Variants in EDIL3 observed in about 807,000 individuals in gnomAD.
EDIL3 encodes the protein EGF like and discoidin domains 3, also known as EGF-like repeat and discoidin I-like domain-containing protein 3.
A neutral mutation model predicts 67.4 loss-of-function variants in EDIL3; 37 were observed. The observed-to-expected ratio is 0.55, with a 90% CI of 0.42 to 0.72. EDIL3 has a LOEUF of 0.72. Among genes scored for constraint, EDIL3 ranks in the 30% least tolerant of loss-of-function variants. The pLI is 0.00. For missense variants in EDIL3, 527 were observed against 586.3 expected (o/e 0.90, Z 1.04); for synonymous variants, 195 against 196.3 (o/e 0.99, Z 0.05).
chr5:84,287,423 A>G (rs979156823), intron 1 of EDIL3, among the ~76,000 whole-genome samples: 1 of 152,168 alleles, frequency 6.6e-6, no homozygotes. Context: ...AAACAACAGT[A>G]TTGCTTTTCA....
chr5:84,023,264 T>C (rs1278059835), intron 9 of EDIL3, among the ~76,000 whole-genome samples: 1 of 151,868 alleles, frequency 6.6e-6, no homozygotes, highest in Non-Finnish European at 1.5e-5. Flanking sequence ...TTTTAAAATA[T>C]AAACAAAAAG....
intron 1 of EDIL3, among the ~76,000 whole-genome samples, chr5:84,291,356 T>C (rs537247825): frequency 1.3e-5 from 2 of 152,204 alleles, no homozygotes; most frequent in East Asian, 3.9e-4. Context: ...AAAGAACACT[T>C]GAATCAGGGA....
At chr5:84,013,884 G>T (rs1470953378) in intron 9 of EDIL3, among the ~76,000 whole-genome samples, 1 of 152,134 alleles carries the variant, frequency 6.6e-6, no homozygotes, top group Non-Finnish European at 1.5e-5. Flanking sequence ...TGGTTGAAAA[G>T]TTGGTCATCC....
intron 1 of EDIL3, among the ~76,000 whole-genome samples, chr5:84,258,484 C>A (rs1745162943): frequency 6.6e-6 from 1 of 152,138 alleles, no homozygotes; most frequent in African/African-American, 2.4e-5. Flanking sequence ...GAATGACAGG[C>A]ACTAGGGCAA....
intron 1 of EDIL3, among the ~76,000 whole-genome samples, chr5:84,268,581 A>G (rs1179261634): frequency 2.0e-5 from 3 of 152,222 alleles, no homozygotes; most frequent in Non-Finnish European, 2.9e-5. Flanking sequence ...GTTGCACAAG[A>G]AGCTGCTCTG....
At chr5:84,207,233 G>A (rs968457197) in intron 3 of EDIL3, among the ~76,000 whole-genome samples, 36 of 152,098 alleles carry the variant, frequency 2.4e-4, no homozygotes, top group Admixed American at 1.2e-3. Flanking sequence ...AAAATCACAA[G>A]CATTCTTATA....
chr5:84,361,769 G>A (rs1332807684), intron 1 of EDIL3, among the ~76,000 whole-genome samples: 1 of 151,750 alleles, frequency 6.6e-6, no homozygotes, highest in Non-Finnish European at 1.5e-5. Context: ...TAAGCACTGT[G>A]AGGCATACCA....
At position 84,006,819 on chromosome 5, in the gene EDIL3, A is replaced by C. The variant is rs184567502; in HGVS notation, c.1138-43459T>G. On this transcript the variant is annotated intron_variant, in intron 9 of 10. Coordinates refer to ENST00000296591, the MANE Select transcript of EDIL3 (RefSeq NM_005711.5). The stretch of plus-strand genomic sequence containing the variant: ...AAACGTTTAACATTATAAAATTTTA[A>C]ATATATAATTGTTCTCCTGTCTTTT... 3.0e-4 allele frequency among the ~76,000 whole-genome samples: 46 copies of C among 152,286 alleles called. 1 individual carries two copies. In the East Asian group the frequency reaches 8.5e-3, roughly 28 times the overall value.
chr5:84,312,632 G>T (rs994293697), intron 1 of EDIL3, among the ~76,000 whole-genome samples: 7 of 151,052 alleles, frequency 4.6e-5, no homozygotes, highest in African/African-American at 1.7e-4. Flanking sequence ...CTCCTTCCCG[G>T]ACGGGGCGGC....
At chr5:84,182,270 T>TACACACACAC (rs71607704) in intron 3 of EDIL3, among the ~76,000 whole-genome samples, 53 of 142,016 alleles carry the variant, frequency 3.7e-4, no homozygotes, top group African/African-American at 1.2e-3. Flanking sequence ...CTACAAAAAA[T>TACACACACAC]ACACACACAC....
intron 9 of EDIL3, among the ~76,000 whole-genome samples, chr5:84,041,802 T>C (rs970535758): frequency 9.2e-5 from 14 of 151,854 alleles, no homozygotes; most frequent in African/African-American, 3.4e-4. Flanking sequence ...GGCATATGCC[T>C]AACAGAACAG....
intron 6 of EDIL3, among the ~76,000 whole-genome samples, chr5:84,087,354 C>T (rs1161525416): frequency 6.6e-6 from 1 of 152,162 alleles, no homozygotes; most frequent in African/African-American, 2.4e-5. Flanking sequence ...TTCAAGGTGA[C>T]AGTCAATGGC....
chr5:84,195,649 A>G (rs1010133767), intron 3 of EDIL3, among the ~76,000 whole-genome samples: 2 of 152,016 alleles, frequency 1.3e-5, no homozygotes, highest in African/African-American at 4.8e-5. Flanking sequence ...AGATGTGCTG[A>G]ATTCTAACAG....
At chr5:84,267,425 T>G (rs1561240199) in intron 1 of EDIL3, among the ~76,000 whole-genome samples, 1 of 152,178 alleles carries the variant, frequency 6.6e-6, no homozygotes, top group Non-Finnish European at 1.5e-5. Context: ...ATGCTTAGTG[T>G]TTCTAGAAAG....
intron 10 of EDIL3, among the ~76,000 whole-genome samples, chr5:83,946,212 A>G (rs1744305657): frequency 6.6e-6 from 1 of 152,000 alleles, no homozygotes; most frequent in Non-Finnish European, 1.5e-5. Context: ...TCTATATAGG[A>G]GTGAAAATAT....
intron 1 of EDIL3, among the ~76,000 whole-genome samples, chr5:84,365,930 C>T (rs925527763): frequency 6.6e-6 from 1 of 152,014 alleles, no homozygotes; most frequent in Non-Finnish European, 1.5e-5. Flanking sequence ...TATCCACACT[C>T]GAGGAATGAG....
intron 6 of EDIL3, among the ~76,000 whole-genome samples, chr5:84,084,537 T>C (rs866758229): frequency 3.2e-4 from 48 of 152,336 alleles, no homozygotes; most frequent in African/African-American, 1.0e-3. Flanking sequence ...TTTCTGGCAT[T>C]CACAAATTCC....
intron 9 of EDIL3, among the ~76,000 whole-genome samples, chr5:83,970,657 ATATATATAT>A: frequency 7.7e-6 from 1 of 130,404 alleles, no homozygotes; most frequent in Non-Finnish European, 1.6e-5. Context: ...ATATATATAT[ATATATATAT>A]ATATATATAT....
intron 3 of EDIL3, among the ~76,000 whole-genome samples, chr5:84,220,608 T>G (rs949036128): frequency 6.6e-6 from 1 of 152,194 alleles, no homozygotes; most frequent in Non-Finnish European, 1.5e-5. Context: ...CTTCATTGAT[T>G]GGTGACCTAG....
Sources: gnomAD v4.1 joint callset for allele counts (sites outside exome capture counted in the v4.1 genomes callset) on GRCh38, gnomAD v4.1.1 for gene constraint, MANE v1.5 for transcripts, NCBI Gene and HGNC (gene_info 2026-07-23, HGNC 2026-07-21) for gene names.